The following WIPF3 variants were observed in gnomAD, a reference collection of about 807,000 sequenced individuals.
WIPF3 encodes WAS/WASL-interacting protein family member 3.
In WIPF3, 33 loss-of-function variants were observed where a neutral mutation model predicts 38.9. The ratio of observed to expected loss-of-function variants is 0.85; its 90% CI spans 0.64 to 1.14. The LOEUF is 1.14. Among genes scored for constraint, WIPF3 ranks in the 50% most tolerant of loss-of-function variants. WIPF3 has a pLI of 0.00. For synonymous variants in WIPF3, 324 were observed against 269.3 expected (o/e 1.20, Z -1.99); for missense variants, 711 against 652.5 (o/e 1.09, Z -0.98).
intron 7 of WIPF3, among the ~76,000 whole-genome samples, chr7:29,901,985 T>G (rs1478837613): frequency 1.3e-5 from 2 of 152,122 alleles, no homozygotes; most frequent in Non-Finnish European, 1.5e-5. Context: ...GAGCCATTTT[T>G]GGGTTGTTAC....
chr7:29,898,694 G>C (rs1412766097), intron 7 of WIPF3, among the ~76,000 whole-genome samples: 2 of 152,098 alleles, frequency 1.3e-5, no homozygotes, highest in Admixed American at 1.3e-4. Flanking sequence ...CTCTGCATTT[G>C]CTGTTCCTTC....
intron 2 of WIPF3, 83 bp from the exon 3 acceptor site, chr7:29,875,747 C>T (rs1785578728): frequency 6.4e-7 from 1 of 1,550,856 alleles, no homozygotes; most frequent in East Asian, 2.3e-5. Flanking sequence ...CAGAGAACTG[C>T]AAGAGGAGAA....
chr7:29,827,559 G>C (rs1055398242), intron 1 of WIPF3, among the ~76,000 whole-genome samples: 1 of 152,036 alleles, frequency 6.6e-6, no homozygotes, highest in South Asian at 2.1e-4. Flanking sequence ...AATGATGGAC[G>C]CTTAGAGGTG....
At chr7:29,906,423 C>G (rs2128081207) in intron 8 of WIPF3, among the ~76,000 whole-genome samples, 1 of 152,148 alleles carries the variant, frequency 6.6e-6, no homozygotes, top group Admixed American at 6.5e-5. Context: ...AAAAGGCAGA[C>G]TTGAGCAGGC....
In WIPF3 at chr7:29,891,035, G is replaced by A. The variant is rs151062319; in HGVS notation, c.1351+1628G>A. ...GGGGCGAGGGCCTGCCCTGTGCTCA[G>A]GTGGAGGGGGCACGGGCCTGCCTTG... On this transcript the variant is annotated intron_variant, in intron 7 of 8. Coordinates refer to ENST00000242140, the MANE Select transcript of WIPF3 (RefSeq NM_001080529.3). Among the ~76,000 whole-genome samples the A allele has an allele frequency of 2.3e-3, 313 of 136,348 alleles. 10 individuals carry two copies. The highest frequency in any genetic ancestry group is 0.018 in the Middle Eastern group (4 of 218). 89.4% of individuals were successfully genotyped at this position (136,348 alleles called of 152,430 possible).
chr7:29,836,166 T>A (rs919673775), intron 2 of WIPF3, among the ~76,000 whole-genome samples: 8 of 152,224 alleles, frequency 5.3e-5, no homozygotes, highest in Non-Finnish European at 1.2e-4. Flanking sequence ...GGTATTGAAG[T>A]TTCACTGCTG....
rs1403885071 is a variant in WIPF3, at chr7:29,902,272, TTC to T, written c.1352-2012_1352-2011del. On this transcript the variant is annotated intron_variant, in intron 7 of 8. Transcript: ENST00000242140. ...TATTAGTGTTTTCTTCTTCTTCTTC[TTC>T]TTTTTTTTTTTTTTTTACTTTTTGC... is the stretch of plus-strand genomic sequence containing the variant. Among the ~76,000 whole-genome samples, 98 of 70,880 alleles carry T rather than the reference TTC, an allele frequency of 1.4e-3. 1 individual carries two copies. Among genetic ancestry groups the T allele is most frequent in the Middle Eastern group, 8.1e-3 (1 of 124 alleles). 46.5% of individuals were successfully genotyped at this position (70,880 alleles called of 152,430 possible).
chr7:29,811,732 A>G (rs1228528313), intron 1 of WIPF3, among the ~76,000 whole-genome samples: 1 of 152,186 alleles, frequency 6.6e-6, no homozygotes, highest in Non-Finnish European at 1.5e-5. Flanking sequence ...GGTAGAAGGC[A>G]AAAGTAAGTG....
At chr7:29,861,979 C>T (rs988653821) in intron 2 of WIPF3, among the ~76,000 whole-genome samples, 2 of 152,196 alleles carry the variant, frequency 1.3e-5, no homozygotes, top group African/African-American at 4.8e-5. Context: ...CATTCTTACG[C>T]AGAAGAGGGA....
At chr7:29,906,879 T>C (rs1786407589) in intron 8 of WIPF3, among the ~76,000 whole-genome samples, 1 of 152,058 alleles carries the variant, frequency 6.6e-6, no homozygotes, top group Admixed American at 6.5e-5. Context: ...ATATTCCAAG[T>C]GCTAAAAGAA....
At chr7:29,861,640 GTTTTTGTAGAGAACT>G (rs1474689734) in intron 2 of WIPF3, among the ~76,000 whole-genome samples, 1 of 152,190 alleles carries the variant, frequency 6.6e-6, no homozygotes, top group Admixed American at 6.5e-5. Context: ...GCCTGAGTCT[GTTTTTGTAGAGAACT>G]TAGACCAGAA....
chr7:29,892,006 C>A (rs1194635229), intron 7 of WIPF3, among the ~76,000 whole-genome samples: 1 of 152,168 alleles, frequency 6.6e-6, no homozygotes, highest in Non-Finnish European at 1.5e-5. Context: ...TACAGACTGC[C>A]GGAGGTGCAA....
intron 2 of WIPF3, among the ~76,000 whole-genome samples, chr7:29,839,317 TG>T (rs1206918812): frequency 6.6e-6 from 1 of 152,228 alleles, no homozygotes; most frequent in African/African-American, 2.4e-5. Flanking sequence ...ATGTCGTGAT[TG>T]ATTCAGACAA....
At chr7:29,868,517 A>G (rs895619336) in intron 2 of WIPF3, among the ~76,000 whole-genome samples, 4 of 72,772 alleles carry the variant, frequency 5.5e-5, no homozygotes, top group African/African-American at 1.4e-4. Flanking sequence ...AATAATGAGA[A>G]GTATATATAT....
In WIPF3 at chr7:29,915,411, C is replaced by T. The variant is rs187125354; in HGVS notation, c.*895C>T. 7 of 152,258 alleles carry T rather than the reference C, an allele frequency of 4.6e-5. No homozygotes were observed. The highest frequency in any genetic ancestry group is 1.4e-4 in the African/African-American group (6 of 41,534). The allele number at this position is 152,258 out of a possible 1,614,324, so 9.4% of individuals were successfully genotyped here. A position where few individuals can be genotyped will look rare whatever the true frequency, so the allele number is the denominator to read the frequency against. ...GAGGTCTCCCCTTCTGCCCTTGCTT[C>T]GAGTGTGGACTTCCATGGAAAATAT... On this transcript the variant is annotated 3_prime_UTR_variant, in exon 9 of 9. Coordinates refer to ENST00000242140, the MANE Select transcript of WIPF3 (RefSeq NM_001080529.3).
At chr7:29,901,571 G>C (rs1053929155) in intron 7 of WIPF3, among the ~76,000 whole-genome samples, 10 of 151,632 alleles carry the variant, frequency 6.6e-5, no homozygotes, top group Admixed American at 1.3e-4. Context: ...TGGGCGGATC[G>C]CTTGAGCTCA....
intron 2 of WIPF3, among the ~76,000 whole-genome samples, chr7:29,872,798 CAAAAAAAAAAAAAAA>C (rs61693654): frequency 9.7e-5 from 3 of 31,034 alleles, no homozygotes; most frequent in African/African-American, 4.1e-4. Context: ...GACTCCATCT[CAAAAAAAAAAAAAAA>C]AAAAAAAAAA....
rs762946978 is a variant in WIPF3 at position 29,834,718 on chromosome 7, G to A, written c.-7G>A. The A allele has an allele frequency of 1.5e-5, 22 of 1,503,376 alleles. No homozygotes were observed. The highest frequency in any genetic ancestry group is 1.7e-5 in the Non-Finnish European group (19 of 1,125,016). 93.1% of individuals were successfully genotyped at this position (1,503,376 alleles called of 1,614,324 possible). On this transcript the variant is annotated 5_prime_UTR_variant, in exon 2 of 9. It adds an upstream start codon to the 5' untranslated region. Transcript: ENST00000242140. ...TTCATAAGCAGGAGACATCAACACC[G>A]TGACACATGCCAGTGCCACCGCCAC...
At chr7:29,854,628 A>G (rs1244750836) in intron 2 of WIPF3, among the ~76,000 whole-genome samples, 1 of 152,142 alleles carries the variant, frequency 6.6e-6, no homozygotes, top group East Asian at 1.9e-4. Context: ...GCTTGTTCAC[A>G]ATTACCACGT....
Sources: allele counts gnomAD v4.1 joint callset (sites outside exome capture counted in the v4.1 genomes callset), GRCh38; gene constraint gnomAD v4.1.1; transcripts MANE v1.5; gene names NCBI Gene and HGNC (gene_info 2026-07-23, HGNC 2026-07-21).